PTPRD: variants seen among roughly 807,000 people sequenced by gnomAD.
PTPRD encodes protein tyrosine phosphatase receptor type D.
PTPRD carries 34 observed loss-of-function variants against 214.5 expected under a neutral mutation model. The observed-to-expected ratio is 0.16, with a 90% CI of 0.12 to 0.21. PTPRD has a LOEUF of 0.21. PTPRD is among the 10% of genes least tolerant of loss of function. The probability of loss-of-function intolerance (pLI) is 1.00; values close to 1 mark genes in which losing one functional copy is unlikely to be tolerated. For missense variants in PTPRD, 2,545 were observed against 2,398.7 expected (o/e 1.06, Z -1.27); for synonymous variants, 1,128 against 845.7 (o/e 1.33, Z -5.79).
chr9:10,031,832 C>A (rs2097085447), intron 4 of PTPRD, among the ~76,000 whole-genome samples: 1 of 151,330 alleles, frequency 6.6e-6, no homozygotes, highest in South Asian at 2.1e-4. Context: ...GAAAGGTATG[C>A]ATATTTTTTG....
At chr9:8,362,507 A>G (rs1290368376) in intron 39 of PTPRD, among the ~76,000 whole-genome samples, 1 of 152,228 alleles carries the variant, frequency 6.6e-6, no homozygotes, top group Non-Finnish European at 1.5e-5. Flanking sequence ...AGTAGCAAGC[A>G]TGAGTCCAGA....
At chr9:9,937,188 C>T (rs1029208715) in intron 5 of PTPRD, among the ~76,000 whole-genome samples, 1 of 151,270 alleles carries the variant, frequency 6.6e-6, no homozygotes, top group South Asian at 2.1e-4. Context: ...AACTAACCTG[C>T]ACAATGTGCA....
At chr9:8,343,599 C>T (rs1203102777) in intron 39 of PTPRD, among the ~76,000 whole-genome samples, 1 of 151,950 alleles carries the variant, frequency 6.6e-6, no homozygotes, top group Non-Finnish European at 1.5e-5. Context: ...TCCTACCCTC[C>T]CAGGTGGTTT....
At chr9:9,573,957 G>A (rs2087475600) in intron 8 of PTPRD, among the ~76,000 whole-genome samples, 1 of 151,744 alleles carries the variant, frequency 6.6e-6, no homozygotes, top group African/African-American at 2.4e-5. Context: ...TTCCAAGGAT[G>A]TCATTTCCCC....
intron 2 of PTPRD, among the ~76,000 whole-genome samples, chr9:10,345,663 A>T (rs917460416): frequency 1.3e-5 from 2 of 152,138 alleles, no homozygotes; most frequent in Non-Finnish European, 2.9e-5. Context: ...CCAGTCTATC[A>T]TTGATGGACA....
At chr9:10,016,423 A>C (rs1185758479) in intron 4 of PTPRD, among the ~76,000 whole-genome samples, 1 of 151,770 alleles carries the variant, frequency 6.6e-6, no homozygotes, top group Non-Finnish European at 1.5e-5. Flanking sequence ...ATTCTTTCTT[A>C]TTTCAGTATG....
chr9:8,416,481 A>C lies in PTPRD; in HGVS notation c.4087-11821T>G, dbSNP rs1181283753. ...AGGAAGAGGGAAAAAAGAGAGTTGC[A>C]GAATACTTTTCACAACTGCACATGT... On this transcript the variant is annotated intron_variant, in intron 35 of 45. Coordinates refer to ENST00000381196, the MANE Select transcript of PTPRD (RefSeq NM_002839.4). Among the ~76,000 whole-genome samples the C allele has an allele frequency of 2.6e-5, 4 of 152,206 alleles. No individual in the cohort carries two copies. In the East Asian group the frequency reaches 7.7e-4, roughly 29 times the overall value.
At chr9:8,762,132 T>C (rs920249712) in intron 11 of PTPRD, among the ~76,000 whole-genome samples, 1 of 152,156 alleles carries the variant, frequency 6.6e-6, no homozygotes, top group Non-Finnish European at 1.5e-5. Context: ...AAAGGTTCTG[T>C]CTTTCTAGGA....
At chr9:9,279,709 C>T (rs1467840475) in intron 9 of PTPRD, among the ~76,000 whole-genome samples, 1 of 150,522 alleles carries the variant, frequency 6.6e-6, no homozygotes, top group East Asian at 2.0e-4. Flanking sequence ...TAAAAATTCC[C>T]CTCATCTCTC....
chr9:9,377,562 T>C (rs2061116678), intron 9 of PTPRD, among the ~76,000 whole-genome samples: 1 of 152,178 alleles, frequency 6.6e-6, no homozygotes, highest in African/African-American at 2.4e-5. Flanking sequence ...AGAGGCTTTA[T>C]TTGGATATTT....
At chr9:8,608,676 TAGCAGTTGCCATTAGA>T (rs2095331784) in intron 14 of PTPRD, among the ~76,000 whole-genome samples, 1 of 152,120 alleles carries the variant, frequency 6.6e-6, no homozygotes, top group Non-Finnish European at 1.5e-5. Flanking sequence ...AGTACATGAA[TAGCAGTTGCCATTAGA>T]GTACTGACGG....
chr9:8,935,317 A>T (rs1037697916), intron 11 of PTPRD, among the ~76,000 whole-genome samples: 4 of 152,192 alleles, frequency 2.6e-5, no homozygotes, highest in Non-Finnish European at 4.4e-5. Flanking sequence ...CAATTATTTA[A>T]AAAAGAAATT....
intron 2 of PTPRD, among the ~76,000 whole-genome samples, chr9:10,536,910 GT>G (rs529830955): frequency 4.6e-5 from 7 of 152,194 alleles, no homozygotes; most frequent in Non-Finnish European, 8.8e-5. Flanking sequence ...AGCTATTAGA[GT>G]TTCACCTAAG....
intron 39 of PTPRD, among the ~76,000 whole-genome samples, chr9:8,367,600 T>G (rs995372785): frequency 3.3e-5 from 5 of 152,192 alleles, no homozygotes; most frequent in African/African-American, 1.2e-4. Context: ...TAACAGTACT[T>G]AACACATTTT....
intron 10 of PTPRD, among the ~76,000 whole-genome samples, chr9:9,072,324 C>CACA (rs1464608211): frequency 2.8e-4 from 42 of 150,142 alleles, no homozygotes; most frequent in Non-Finnish European, 4.6e-4. Context: ...CACACACACT[C>CACA]CTTAATATTC....
At chr9:9,628,250 T>G (rs1440340450) in intron 7 of PTPRD, among the ~76,000 whole-genome samples, 1 of 152,182 alleles carries the variant, frequency 6.6e-6, no homozygotes, top group African/African-American at 2.4e-5. Flanking sequence ...GTGTGATAAC[T>G]CCTGCGTCCA....
At chr9:9,974,212 C>G (rs759605492) in intron 4 of PTPRD, among the ~76,000 whole-genome samples, 6 of 152,164 alleles carry the variant, frequency 3.9e-5, no homozygotes, top group Admixed American at 1.3e-4. Flanking sequence ...GTAACGATTA[C>G]ATAGCCTCAG....
At chr9:8,483,405 C>T (rs184022085) in intron 30 of PTPRD, among the ~76,000 whole-genome samples, 2 of 151,988 alleles carry the variant, frequency 1.3e-5, no homozygotes. Flanking sequence ...AAATATTTTG[C>T]CAAATATTAG....
intron 2 of PTPRD, among the ~76,000 whole-genome samples, chr9:10,406,824 G>C (rs2098369280): frequency 6.6e-6 from 1 of 151,334 alleles, no homozygotes; most frequent in Non-Finnish European, 1.5e-5. Context: ...TTAGACTAAA[G>C]ATGTTCATAG....
Sources: gnomAD v4.1 joint callset for allele counts (sites outside exome capture counted in the v4.1 genomes callset) on GRCh38, gnomAD v4.1.1 for gene constraint, MANE v1.5 for transcripts, NCBI Gene and HGNC (gene_info 2026-07-23, HGNC 2026-07-21) for gene names.